The following ZEB1 variants were observed in gnomAD, a reference collection of about 807,000 sequenced individuals.
The protein encoded by ZEB1 is zinc finger E-box binding homeobox 1.
In ZEB1, 21 loss-of-function variants were observed where a neutral mutation model predicts 84.9. The observed-to-expected ratio is 0.25, with a 90% CI of 0.18 to 0.36. ZEB1 has a LOEUF of 0.36. Among genes scored for constraint, ZEB1 ranks in the 10% least tolerant of loss-of-function variants. ZEB1 has a pLI of 1.00. For synonymous variants in ZEB1, 420 were observed against 471.1 expected (o/e 0.89, Z 1.41); for missense variants, 1,104 against 1,330.2 (o/e 0.83, Z 2.65).
At chr10:31,329,594 T>C (rs557129810) in intron 1 of ZEB1, among the ~76,000 whole-genome samples, 1 of 152,142 alleles carries the variant, frequency 6.6e-6, no homozygotes, top group South Asian at 2.1e-4. Context: ...TAAGTACATA[T>C]AGTAAGTATA....
chr10:31,359,501 G>A (rs1158518847), intron 1 of ZEB1, among the ~76,000 whole-genome samples: 1 of 152,090 alleles, frequency 6.6e-6, no homozygotes, highest in East Asian at 1.9e-4. Context: ...TATGTTTACT[G>A]CCAGCTTCTG....
intron 1 of ZEB1, among the ~76,000 whole-genome samples, chr10:31,375,700 C>CT: frequency 6.6e-6 from 1 of 151,500 alleles, no homozygotes; most frequent in East Asian, 1.9e-4. Flanking sequence ...AGTTTCTACT[C>CT]TCAGAAGAAA....
chr10:31,479,526 G>A (rs969444508), intron 2 of ZEB1, among the ~76,000 whole-genome samples: 1 of 151,776 alleles, frequency 6.6e-6, no homozygotes, highest in African/African-American at 2.4e-5. Flanking sequence ...GAATTCAGTA[G>A]GAAATTTAAA....
intron 1 of ZEB1, among the ~76,000 whole-genome samples, chr10:31,439,234 C>T (rs1400888971): frequency 6.6e-6 from 1 of 152,020 alleles, no homozygotes; most frequent in Admixed American, 6.6e-5. Flanking sequence ...ATATCAGTAC[C>T]AAACAATATA....
intron 1 of ZEB1, among the ~76,000 whole-genome samples, chr10:31,415,955 A>G (rs1314691959): frequency 2.0e-5 from 3 of 152,112 alleles, no homozygotes; most frequent in Non-Finnish European, 4.4e-5. Flanking sequence ...GGGATATCTA[A>G]TTGTTAATTG....
At chr10:31,324,710 A>G (rs918786482) in intron 1 of ZEB1, among the ~76,000 whole-genome samples, 11 of 152,086 alleles carry the variant, frequency 7.2e-5, no homozygotes, top group Admixed American at 3.3e-4. Flanking sequence ...ATAAAAGTCC[A>G]TTGTTGAAAG....
At chr10:31,360,251 G>A (rs938460652) in intron 1 of ZEB1, among the ~76,000 whole-genome samples, 3 of 152,166 alleles carry the variant, frequency 2.0e-5, no homozygotes, top group African/African-American at 7.2e-5. Flanking sequence ...AGAAGGATGA[G>A]CTTAGACTTG....
intron 1 of ZEB1, among the ~76,000 whole-genome samples, chr10:31,326,864 A>G (rs560882891): frequency 2.0e-5 from 3 of 152,288 alleles, no homozygotes; most frequent in African/African-American, 7.2e-5. Flanking sequence ...GCAGAGCATT[A>G]GTATTATTTA....
intron 1 of ZEB1, among the ~76,000 whole-genome samples, chr10:31,420,384 T>C (rs1191021050): frequency 6.6e-6 from 1 of 152,130 alleles, no homozygotes; most frequent in Non-Finnish European, 1.5e-5. Flanking sequence ...TCTTCCAAGA[T>C]CATTCAGGTT....
Position 31,514,555 on chromosome 10 carries a change from C to G in ZEB1, c.688-48C>G, listed in dbSNP as rs1324607937. Reference sequence around the variant, plus strand: ...CTTAGTAGATTGGATGTTCTTTAGTCTAAAGATCTTTTGCTTTTCAAATAA... The same window carrying G: ...CTTAGTAGATTGGATGTTCTTTAGTGTAAAGATCTTTTGCTTTTCAAATAA... On this transcript the variant is annotated intron_variant, in intron 5 of 8. Coordinates refer to ENST00000424869, the MANE Select transcript of ZEB1 (RefSeq NM_001174096.2). 6 of 1,535,922 alleles carry G rather than the reference C, an allele frequency of 3.9e-6. No individual in the cohort carries two copies. The Admixed American group carries it at 5.1e-5, about 13-fold the overall frequency.
At chr10:31,399,505 A>C (rs1246844146) in intron 1 of ZEB1, among the ~76,000 whole-genome samples, 1 of 152,068 alleles carries the variant, frequency 6.6e-6, no homozygotes, top group African/African-American at 2.4e-5. Context: ...CTTCTGTCCC[A>C]AAAATATTTC....
intron 2 of ZEB1, among the ~76,000 whole-genome samples, chr10:31,471,936 C>A (rs1305862059): frequency 7.1e-6 from 1 of 140,158 alleles, no homozygotes; most frequent in East Asian, 2.0e-4. Flanking sequence ...TACATGGAAA[C>A]TGAACAACCT....
chr10:31,485,240 CTAATAAT>C (rs2065568795), intron 2 of ZEB1, among the ~76,000 whole-genome samples: 1 of 151,776 alleles, frequency 6.6e-6, no homozygotes, highest in Non-Finnish European at 1.5e-5. Context: ...TATAGAATCC[CTAATAAT>C]GGCCATTTGC....
At chr10:31,414,222 A>G (rs2054808027) in intron 1 of ZEB1, among the ~76,000 whole-genome samples, 1 of 152,256 alleles carries the variant, frequency 6.6e-6, no homozygotes, top group African/African-American at 2.4e-5. Flanking sequence ...TGCATGGCAC[A>G]TAATAGTTGA....
intron 1 of ZEB1, among the ~76,000 whole-genome samples, chr10:31,368,556 AT>A (rs1464033925): frequency 2.0e-5 from 3 of 152,028 alleles, no homozygotes; most frequent in Non-Finnish European, 1.5e-5. Flanking sequence ...TATTTGTATT[AT>A]TTTTTATTGT....
At chr10:31,402,907 G>A (rs1036417761) in intron 1 of ZEB1, among the ~76,000 whole-genome samples, 12 of 151,998 alleles carry the variant, frequency 7.9e-5, no homozygotes, top group African/African-American at 2.9e-4. Context: ...GCCAAACTTG[G>A]AAAAAGCATT....
At chr10:31,410,169 T>C (rs1316184487) in intron 1 of ZEB1, among the ~76,000 whole-genome samples, 1 of 152,210 alleles carries the variant, frequency 6.6e-6, no homozygotes, top group Non-Finnish European at 1.5e-5. Context: ...TGTTACTGTT[T>C]TGAGTTACGT....
chr10:31,427,638 G>A (rs1327774025), intron 1 of ZEB1, among the ~76,000 whole-genome samples: 1 of 152,126 alleles, frequency 6.6e-6, no homozygotes, highest in African/African-American at 2.4e-5. Flanking sequence ...TGGATCACGA[G>A]GTCAGGAGAT....
intron 1 of ZEB1, among the ~76,000 whole-genome samples, chr10:31,337,220 CAAAG>C (rs763470451): frequency 4.0e-5 from 6 of 151,828 alleles, no homozygotes; most frequent in Non-Finnish European, 7.4e-5. Context: ...TATATAGAAT[CAAAG>C]AACACGCAAA....
Sources: allele counts gnomAD v4.1 joint callset (sites outside exome capture counted in the v4.1 genomes callset), GRCh38; gene constraint gnomAD v4.1.1; transcripts MANE v1.5; gene names NCBI Gene and HGNC (gene_info 2026-07-23, HGNC 2026-07-21).